Variants in YTHDC2 observed in about 807,000 individuals in gnomAD.
YTHDC2 encodes the protein YTH N6-methyladenosine RNA binding protein C2, also known as 3'-5' RNA helicase YTHDC2.
Under a neutral mutation model 174.9 loss-of-function variants are expected in YTHDC2, and 45 were observed. The observed-to-expected ratio is 0.26, with a 90% CI of 0.20 to 0.33. The LOEUF is 0.33. Among genes scored for constraint, YTHDC2 ranks in the 10% least tolerant of loss-of-function variants. The pLI is 1.00. For synonymous variants in YTHDC2, 657 were observed against 574.5 expected (o/e 1.14, Z -2.05); for missense variants, 1,650 against 1,723.7 (o/e 0.96, Z 0.76).
In YTHDC2 at chr5:113,534,328, C is replaced by T. The variant is rs747943039; in HGVS notation, c.866C>T (p.Thr289Ile). 4 of 1,612,300 alleles carry T rather than the reference C, an allele frequency of 2.5e-6. No individual in the cohort carries two copies. The highest frequency in any genetic ancestry group is 3.3e-5 in the Admixed American group (2 of 59,996). ...ESRVSPKTLLTFCTNGVLLRT... is the reference protein window; with the variant it reads ...ESRVSPKTLLIFCTNGVLLRT... ...AGGGTTTCTCCAAAGACACTTCTGA[C>T]ATTTTGTACTAATGGGGTATTGCTT... is the stretch of plus-strand genomic sequence containing the variant. Residue 289 changes from threonine (T) to isoleucine (I), a missense_variant, in exon 6 of 30, where the codon ACA (threonine) becomes ATA (isoleucine). Transcript: ENST00000161863.
chr5:113,535,089 T>G (rs575209407), intron 6 of YTHDC2, among the ~76,000 whole-genome samples: 119 of 152,282 alleles, frequency 7.8e-4, no homozygotes, highest in African/African-American at 2.7e-3. Context: ...AGTTTTATAT[T>G]TTGTGGGAAA....
At chr5:113,568,995 A>C (rs902197076) in intron 23 of YTHDC2, among the ~76,000 whole-genome samples, 3 of 152,128 alleles carry the variant, frequency 2.0e-5, no homozygotes, top group African/African-American at 7.2e-5. Context: ...GTAGTGTAAA[A>C]GTGTTCCTTT....
chr5:113,549,447 C>T lies in YTHDC2; in HGVS notation c.1688+427C>T, dbSNP rs375928295. 1.5e-4 allele frequency among the ~76,000 whole-genome samples: 23 copies of T among 152,192 alleles called. No individual in the cohort carries two copies. In the East Asian group the frequency reaches 2.1e-3, roughly 14 times the overall value. ...GCAGAACTAAGAAAACTCACAGTGCCAATGAGAAACACTCATTTTAGCTTT... is the reference window on the plus strand; with the variant it reads ...GCAGAACTAAGAAAACTCACAGTGCTAATGAGAAACACTCATTTTAGCTTT... On this transcript the variant is annotated intron_variant, in intron 12 of 29. Coordinates refer to ENST00000161863, the MANE Select transcript of YTHDC2 (RefSeq NM_022828.5).
chr5:113,542,268 A>C (rs576738952), intron 9 of YTHDC2, 100 bp from the exon 10 acceptor site: 3 of 1,211,278 alleles, frequency 2.5e-6, no homozygotes, highest in East Asian at 4.8e-5. Context: ...ATATTATCAT[A>C]GGATTAGTAG....
rs374939049 is a variant in YTHDC2 at position 113,525,196 on chromosome 5, G to C, written c.475+19G>C. ...GAAGCTGGTATGTATTTTCTGGGGA[G>C]CTTCCTCATTTACCCTATTATTTGA... On this transcript the variant is annotated intron_variant, in intron 3 of 29. Coordinates refer to ENST00000161863, the MANE Select transcript of YTHDC2 (RefSeq NM_022828.5). The C allele has an allele frequency of 4.4e-4, 681 of 1,540,268 alleles. No individual in the cohort carries two copies. Among genetic ancestry groups the C allele is most frequent in the Non-Finnish European group, 5.7e-4 (659 of 1,147,254 alleles).
intron 1 of YTHDC2, chr5:113,514,296 G>T (rs748055053): frequency 2.8e-6 from 2 of 711,312 alleles, no homozygotes; most frequent in Admixed American, 4.0e-5. Context: ...GATCAATGGG[G>T]TTATGGGCAC....
At chr5:113,522,972 T>C (rs573343969) in intron 2 of YTHDC2, among the ~76,000 whole-genome samples, 1 of 152,108 alleles carries the variant, frequency 6.6e-6, no homozygotes, top group South Asian at 2.1e-4. Context: ...CTGCTTATTA[T>C]GAGGTTTTTT....
At chr5:113,589,721 G>C (rs574596721) in intron 26 of YTHDC2, among the ~76,000 whole-genome samples, 45 of 152,028 alleles carry the variant, frequency 3.0e-4, no homozygotes, top group African/African-American at 9.6e-4. Context: ...GACAGAGTGA[G>C]ACCCTGTCCC....
At chr5:113,518,294 A>G (rs567936254) in intron 2 of YTHDC2, among the ~76,000 whole-genome samples, 140 of 145,818 alleles carry the variant, frequency 9.6e-4, no homozygotes, top group African/African-American at 3.5e-3. Context: ...TCCATCTCCC[A>G]GGCCCAATCA....
chr5:113,532,178 T>C (rs950355913), intron 4 of YTHDC2, among the ~76,000 whole-genome samples: 3 of 152,234 alleles, frequency 2.0e-5, no homozygotes, highest in Non-Finnish European at 4.4e-5. Flanking sequence ...TGGTATGTTA[T>C]GTGAAAACTG....
chr5:113,583,505 G>C (rs930308660), intron 25 of YTHDC2: 4 of 151,116 alleles, frequency 2.6e-5, no homozygotes, highest in Non-Finnish European at 5.9e-5. Flanking sequence ...TTTTATTTTT[G>C]AGACAGTCTC....
Position 113,567,248 on chromosome 5 carries a change from A to G in YTHDC2, c.2999A>G (p.Lys1000Arg), listed in dbSNP as rs1267419096. Residue 1000 changes from lysine to arginine, a missense_variant, in exon 22 of 30, where the codon AAA becomes AGA. By Grantham distance (26) the Lys-to-Arg change is conservative (BLOSUM62 2). Around this residue, in one of 5 missense-constraint regions of YTHDC2, gnomAD observed 913 missense variants for 940.4 expected, o/e 0.97. Transcript: ENST00000161863. ...GTGTTGACAGGGCCAAAGGAGAAAA[A>G]AGTACGATTTCATCCTGCTTCAGTT... Reference protein sequence around the residue: ...NLVLTGPKEKKVRFHPASVLS... With the variant: ...NLVLTGPKEKRVRFHPASVLS... 6.2e-7 allele frequency: 1 copy of G among 1,613,332 alleles called. No individual in the cohort carries two copies. Among genetic ancestry groups the G allele is most frequent in the Non-Finnish European group, 8.5e-7 (1 of 1,179,772 alleles).
intron 23 of YTHDC2, among the ~76,000 whole-genome samples, chr5:113,577,731 C>A (rs1034027278): frequency 6.6e-6 from 1 of 151,988 alleles, no homozygotes; most frequent in Non-Finnish European, 1.5e-5. Flanking sequence ...ATTAGCCATA[C>A]CTTATTTTAA....
intron 26 of YTHDC2, among the ~76,000 whole-genome samples, chr5:113,587,634 C>T (rs1277583941): frequency 6.8e-6 from 1 of 147,084 alleles, no homozygotes; most frequent in Non-Finnish European, 1.5e-5. Flanking sequence ...GCCAGTGGTA[C>T]ACTGACATTA....
At chr5:113,574,541 A>G (rs796912772) in intron 23 of YTHDC2, among the ~76,000 whole-genome samples, 18 of 152,292 alleles carry the variant, frequency 1.2e-4, no homozygotes, top group African/African-American at 4.3e-4. Flanking sequence ...CTGTATAGCC[A>G]TCAGGCTGGA....
At chr5:113,561,473 AT>A (rs33978462) in intron 18 of YTHDC2, among the ~76,000 whole-genome samples, 188 of 138,448 alleles carry the variant, frequency 1.4e-3, no homozygotes, top group African/African-American at 2.4e-3. Context: ...ATCTATCTAT[AT>A]TTTTTTTTTT....
In YTHDC2 at chr5:113,553,338, A is replaced by T; in HGVS notation, c.1846A>T (p.Ile616Phe). The change falls in exon 13 of 30, where the codon ATC becomes TTC. Residue 616 changes from isoleucine (I) to phenylalanine (F), a missense_variant. Coordinates refer to ENST00000161863, the MANE Select transcript of YTHDC2 (RefSeq NM_022828.5). ...LDLIMHLLYN[I>F]CHSCDAGAVL... ...TTTGATCATGCATCTTCTATACAAT[A>T]TCTGCCATAGTTGTGATGCTGGTAA... 3 of 1,604,830 alleles carry T rather than the reference A, an allele frequency of 1.9e-6. No homozygotes were observed. The highest frequency in any genetic ancestry group is 2.5e-6 in the Non-Finnish European group (3 of 1,177,234).
At chr5:113,526,826 A>AATATAT (rs753695226) in intron 4 of YTHDC2, 41 bp downstream of exon 4, 41 of 146,200 alleles carry the variant, frequency 2.8e-4, no homozygotes, top group Admixed American at 5.4e-4. Flanking sequence ...AAAAAAAAAA[A>AATATAT]ATATATATAT....
chr5:113,555,894 C>A (rs1776574043), intron 16 of YTHDC2, among the ~76,000 whole-genome samples, 158 bp from the exon 17 acceptor site: 1 of 152,090 alleles, frequency 6.6e-6, no homozygotes, highest in Non-Finnish European at 1.5e-5. Context: ...ACCAGAAAAT[C>A]AGGGTTTATT....
Sources: allele counts gnomAD v4.1 joint callset (sites outside exome capture counted in the v4.1 genomes callset), GRCh38; gene constraint gnomAD v4.1.1; regional missense constraint gnomAD v4.1.1; transcripts MANE v1.5; gene names NCBI Gene and HGNC (gene_info 2026-07-23, HGNC 2026-07-21).